RBFOX1: variants seen among roughly 807,000 people sequenced by gnomAD.
RBFOX1 encodes RNA binding fox-1 homolog 1.
RBFOX1 carries 8 observed loss-of-function variants against 57.7 expected under a neutral mutation model. That is an observed-to-expected ratio of 0.14 (90% CI 0.08 to 0.25). The LOEUF (loss-of-function observed/expected upper bound fraction) is 0.25, where lower values mean the gene tolerates loss of function less well. Among genes scored for constraint, RBFOX1 ranks in the 10% least tolerant of loss-of-function variants. The pLI is 1.00. For missense variants in RBFOX1, 611 were observed against 548.5 expected (o/e 1.11, Z -1.14); for synonymous variants, 326 against 222.4 (o/e 1.47, Z -4.15).
At chr16:5,972,040 A>G (rs956964615) in intron 4 of RBFOX1, among the ~76,000 whole-genome samples, 3 of 152,226 alleles carry the variant, frequency 2.0e-5, no homozygotes, top group African/African-American at 7.2e-5. Flanking sequence ...AAACTGAAGC[A>G]TGGGCTCTTT....
chr16:6,157,418 A>G (rs2096846193), intron 1 of RBFOX1, among the ~76,000 whole-genome samples: 1 of 152,192 alleles, frequency 6.6e-6, no homozygotes, highest in Non-Finnish European at 1.5e-5. Context: ...TAAATATTTC[A>G]TGAAGGCCTA....
chr16:6,457,186 G>C (rs568619035), intron 2 of RBFOX1, among the ~76,000 whole-genome samples: 4 of 152,278 alleles, frequency 2.6e-5, no homozygotes, highest in Admixed American at 6.5e-5. Flanking sequence ...GAGGAGAAAG[G>C]ATTTATAAGA....
intron 4 of RBFOX1, among the ~76,000 whole-genome samples, chr16:7,461,233 T>A (rs1290330120): frequency 1.3e-5 from 2 of 152,010 alleles, no homozygotes; most frequent in Admixed American, 6.6e-5. Flanking sequence ...AGTGGCACTA[T>A]CTCGGCTCAC....
chr16:7,661,428 C>A (rs905323231), intron 12 of RBFOX1, among the ~76,000 whole-genome samples: 3 of 152,178 alleles, frequency 2.0e-5, no homozygotes, highest in Non-Finnish European at 4.4e-5. Context: ...AGTACCCTCA[C>A]CCCACCACCC....
chr16:5,457,716 G>T (rs1378159679), intron 1 of RBFOX1, among the ~76,000 whole-genome samples: 1 of 152,232 alleles, frequency 6.6e-6, no homozygotes, highest in East Asian at 1.9e-4. Context: ...CCCTGTAACT[G>T]GGTTAGGTGC....
intron 3 of RBFOX1, among the ~76,000 whole-genome samples, chr16:6,817,744 C>T (rs568310265): frequency 1.1e-4 from 17 of 152,066 alleles, no homozygotes; most frequent in African/African-American, 3.9e-4. Flanking sequence ...CAACAGTCTA[C>T]ATGAAGGTTG....
intron 1 of RBFOX1, among the ~76,000 whole-genome samples, chr16:6,022,319 C>T (rs564699904): frequency 6.6e-6 from 1 of 151,688 alleles, no homozygotes; most frequent in South Asian, 2.1e-4. Context: ...ACACAAGAAT[C>T]GAAGAATATT....
chr16:5,832,461 A>G (rs2056309606), intron 3 of RBFOX1, among the ~76,000 whole-genome samples: 1 of 152,228 alleles, frequency 6.6e-6, no homozygotes. Flanking sequence ...TCCACAACAT[A>G]CAATGGAAAT....
chr16:7,138,327 C>A (rs1362421776), intron 4 of RBFOX1, among the ~76,000 whole-genome samples: 1 of 152,158 alleles, frequency 6.6e-6, no homozygotes, highest in Admixed American at 6.5e-5. Context: ...TTAAATAAGA[C>A]CAAGGGTTTC....
At position 7,579,845 on chromosome 16, in the gene RBFOX1, G is replaced by A. The variant is rs760846272; in HGVS notation, c.339G>A (p.Lys113=). 6.8e-6 allele frequency: 11 copies of A among 1,613,986 alleles called. No individual in the cohort carries two copies. The Admixed American group carries it at 1.8e-4, about 27-fold the overall frequency. Residue 113 remains lysine (K), a synonymous_variant, in exon 6 of 16, where the codon AAG becomes AAA. Coordinates refer to ENST00000550418, the MANE Select transcript of RBFOX1 (RefSeq NM_018723.4). ...AACCTTCTGAAAACACGGAAAACAA[G>A]TCTCAGCCCAAGCGGCTGCATGTCT... ...QTQPSENTEN[K]SQPKRLHVSN...
intron 1 of RBFOX1, among the ~76,000 whole-genome samples, chr16:6,266,566 C>T (rs2215917): frequency 0.77 from 116,832 of 151,812 alleles, 46,746 homozygotes; most frequent in Non-Finnish European, 0.87. Flanking sequence ...ATACAAAAAT[C>T]AGTCAGTCAT....
intron 5 of RBFOX1, among the ~76,000 whole-genome samples, chr16:7,572,953 C>G (rs2092945863): frequency 6.6e-6 from 1 of 152,136 alleles, no homozygotes; most frequent in Non-Finnish European, 1.5e-5. Context: ...AAGCCACAGT[C>G]TCTGCTCTCC....
intron 4 of RBFOX1, among the ~76,000 whole-genome samples, chr16:5,945,102 G>A (rs1055323477): frequency 3.3e-5 from 5 of 151,854 alleles, no homozygotes; most frequent in Admixed American, 6.6e-5. Context: ...ATGGACTGCC[G>A]GGCACTCCCT....
chr16:6,315,733 C>A (rs1336970616), intron 1 of RBFOX1, among the ~76,000 whole-genome samples: 1 of 152,174 alleles, frequency 6.6e-6, no homozygotes, highest in South Asian at 2.1e-4. Context: ...CTATCACCAC[C>A]ATTTCAACCA....
intron 3 of RBFOX1, among the ~76,000 whole-genome samples, chr16:5,762,378 A>G (rs928002030): frequency 1.3e-5 from 2 of 151,288 alleles, no homozygotes; most frequent in Non-Finnish European, 2.9e-5. Context: ...AAACGAAGAA[A>G]GAAAACTCAA....
intron 3 of RBFOX1, among the ~76,000 whole-genome samples, chr16:6,741,031 A>G (rs1038676499): frequency 6.6e-6 from 1 of 152,196 alleles, no homozygotes; most frequent in Non-Finnish European, 1.5e-5. Context: ...CACCTAAATC[A>G]ATGGAAGGGA....
At chr16:7,147,365 T>A (rs189897600) in intron 4 of RBFOX1, among the ~76,000 whole-genome samples, 18 of 149,672 alleles carry the variant, frequency 1.2e-4, no homozygotes, top group African/African-American at 4.4e-4. Flanking sequence ...GCAGGTCTGT[T>A]ACACAGGTAA....
intron 2 of RBFOX1, among the ~76,000 whole-genome samples, chr16:6,504,828 G>A (rs2096047622): frequency 6.6e-6 from 1 of 152,052 alleles, no homozygotes; most frequent in Non-Finnish European, 1.5e-5. Context: ...GGCCGAGGTG[G>A]GTGAATCACG....
intron 4 of RBFOX1, among the ~76,000 whole-genome samples, chr16:5,871,714 A>G (rs1398183716): frequency 6.6e-6 from 1 of 152,146 alleles, no homozygotes; most frequent in African/African-American, 2.4e-5. Context: ...AGGTTATAGA[A>G]GAGGATGTTT....
Sources: allele counts gnomAD v4.1 joint callset (sites outside exome capture counted in the v4.1 genomes callset), GRCh38; gene constraint gnomAD v4.1.1; transcripts MANE v1.5; gene names NCBI Gene and HGNC (gene_info 2026-07-23, HGNC 2026-07-21).